The following ADCY10 variants were observed in gnomAD, a reference collection of about 807,000 sequenced individuals.
ADCY10 encodes the protein adenylate cyclase type 10.
A neutral mutation model predicts 183.3 loss-of-function variants in ADCY10; 156 were observed. That is an observed-to-expected ratio of 0.85 (90% CI 0.75 to 0.97). The LOEUF (loss-of-function observed/expected upper bound fraction) is 0.97. Among genes scored for constraint, ADCY10 ranks in the 50% least tolerant of loss-of-function variants. The pLI is 0.00. For missense variants in ADCY10, 1,745 were observed against 1,934.3 expected (o/e 0.90, Z 1.84); for synonymous variants, 645 against 670.0 (o/e 0.96, Z 0.58).
In ADCY10 at chr1:167,875,037, A is replaced by T. The variant is rs1558218379; in HGVS notation, c.1462+94T>A. On this transcript the variant is annotated intron_variant, in intron 13 of 32. Transcript: ENST00000367851. ...GATGATTATATTTTCATTTTGTGATAATTCATTAAGCTGCACAGTTATCAT... is the reference window on the plus strand; with the variant it reads ...GATGATTATATTTTCATTTTGTGATTATTCATTAAGCTGCACAGTTATCAT... 3.9e-6 allele frequency: 4 copies of T among 1,030,210 alleles called. No individual in the cohort carries two copies. In the Admixed American group the frequency reaches 7.0e-5, roughly 18 times the overall value. 63.8% of individuals were successfully genotyped at this position (1,030,210 alleles called of 1,614,324 possible). A position where few individuals can be genotyped will look rare whatever the true frequency, so the allele number is the denominator to read the frequency against.
At chr1:167,876,291 T>C (rs1667467862) in intron 12 of ADCY10, among the ~76,000 whole-genome samples, 1 of 151,694 alleles carries the variant, frequency 6.6e-6, no homozygotes, top group Non-Finnish European at 1.5e-5. Flanking sequence ...ACTCTTATGT[T>C]CATTTTGCCA....
In ADCY10 at chr1:167,887,391, T is replaced by C. The variant is rs184294499; in HGVS notation, c.829-3763A>G. 2.0e-3 allele frequency among the ~76,000 whole-genome samples: 300 copies of C among 152,316 alleles called. 1 individual carries two copies. The highest frequency in any genetic ancestry group is 3.4e-3 in the Non-Finnish European group (232 of 68,040). ...ATAAAAAGGATGAGTTCACGTCCTT[T>C]GTAGGGACATGGATGAAGTTGGAAA... On this transcript the variant is annotated intron_variant, in intron 8 of 32. Coordinates refer to ENST00000367851, the MANE Select transcript of ADCY10 (RefSeq NM_018417.6).
intron 13 of ADCY10, among the ~76,000 whole-genome samples, chr1:167,872,286 C>T (rs1443088637): frequency 6.6e-6 from 1 of 151,540 alleles, no homozygotes; most frequent in African/African-American, 2.4e-5. Context: ...TACAGTAAGC[C>T]GAGATGGCGC....
chr1:167,868,270 C>T (rs1010842695), intron 14 of ADCY10, among the ~76,000 whole-genome samples: 8 of 152,112 alleles, frequency 5.3e-5, no homozygotes, highest in African/African-American at 1.4e-4. Context: ...ATAAGAAGCC[C>T]GAGAATTAGT....
chr1:167,854,785 C>G (rs1665764552), intron 17 of ADCY10, among the ~76,000 whole-genome samples: 1 of 152,000 alleles, frequency 6.6e-6, no homozygotes, highest in Non-Finnish European at 1.5e-5. Context: ...AAGGATGTAC[C>G]TTTTTGGCTT....
intron 8 of ADCY10, among the ~76,000 whole-genome samples, chr1:167,884,634 C>T (rs1277492077): frequency 1.3e-5 from 2 of 151,992 alleles, no homozygotes; most frequent in African/African-American, 4.8e-5. Flanking sequence ...CCCCCACTAC[C>T]CTTCCCAGCC....
chr1:167,892,595 C>A (rs415174), intron 8 of ADCY10, among the ~76,000 whole-genome samples: 10 of 151,816 alleles, frequency 6.6e-5, no homozygotes, highest in Non-Finnish European at 1.3e-4. Flanking sequence ...AGAATGGCTG[C>A]GGGAGAATGG....
intron 9 of ADCY10, among the ~76,000 whole-genome samples, chr1:167,881,661 C>T (rs1203410534): frequency 6.6e-6 from 1 of 152,230 alleles, no homozygotes; most frequent in Non-Finnish European, 1.5e-5. Context: ...CCAAGTGCCT[C>T]ACACATATTA....
At chr1:167,911,704 T>A (rs1416162923) in intron 1 of ADCY10, among the ~76,000 whole-genome samples, 4 of 152,226 alleles carry the variant, frequency 2.6e-5, no homozygotes, top group African/African-American at 9.6e-5. Context: ...CTGCAGGAAG[T>A]AAAAATGCCC....
At chr1:167,832,901 A>G (rs557869663) in intron 25 of ADCY10, 86 bp downstream of exon 25, 2 of 1,449,954 alleles carry the variant, frequency 1.4e-6, no homozygotes, top group African/African-American at 2.8e-5. Context: ...CCTGGAGGCC[A>G]GGCTTTGGGG....
intron 31 of ADCY10, among the ~76,000 whole-genome samples, chr1:167,815,460 A>G (rs113470451): frequency 0.012 from 1,784 of 152,282 alleles, 31 homozygotes; most frequent in African/African-American, 0.034. Context: ...CACCTAAGGA[A>G]GAGGGGACTG....
chr1:167,841,557 G>C lies in ADCY10; in HGVS notation c.3007+4006C>G, dbSNP rs149465313. Among the ~76,000 whole-genome samples, 105 of 132,696 alleles carry C rather than the reference G, an allele frequency of 7.9e-4. No individual in the cohort carries two copies. The East Asian group carries it at 0.02, about 25-fold the overall frequency. 87.1% of individuals were successfully genotyped at this position (132,696 alleles called of 152,430 possible). On this transcript the variant is annotated intron_variant, in intron 21 of 32. Coordinates refer to ENST00000367851, the MANE Select transcript of ADCY10 (RefSeq NM_018417.6). ...GGGTCTTGCTTTGTCACCCAGGCTG[G>C]AGTATAGTAGGGTGAACATGGCTTA...
At chr1:167,857,274 C>T (rs2102029099) in intron 16 of ADCY10, among the ~76,000 whole-genome samples, 1 of 152,324 alleles carries the variant, frequency 6.6e-6, no homozygotes, top group East Asian at 1.9e-4. Flanking sequence ...CCCATTCTTT[C>T]TCTTTGTGCT....
intron 28 of ADCY10, 35 bp downstream of exon 28, chr1:167,824,441 C>T: frequency 1.3e-6 from 2 of 1,568,600 alleles, no homozygotes. Flanking sequence ...ACGGCCTCCT[C>T]CCCCTAATTT....
chr1:167,897,905 G>A (rs1794781), intron 6 of ADCY10, among the ~76,000 whole-genome samples: 3,246 of 3,246 alleles, frequency 1, 1,623 homozygotes, highest in Non-Finnish European at 1. Flanking sequence ...CTGAGGCAGG[G>A]GAATGGCGTA....
At chr1:167,856,994 T>C (rs1279295581) in intron 16 of ADCY10, among the ~76,000 whole-genome samples, 2 of 152,246 alleles carry the variant, frequency 1.3e-5, no homozygotes, top group Non-Finnish European at 2.9e-5. Flanking sequence ...TTTTCTCATA[T>C]AGACTACCCT....
At chr1:167,847,403 C>T (rs73022103) in intron 19 of ADCY10, among the ~76,000 whole-genome samples, 12,128 of 134,026 alleles carry the variant, frequency 0.09, 639 homozygotes, top group African/African-American at 0.16. Flanking sequence ...AATAATAATA[C>T]ATCTTTCTTT....
chr1:167,878,560 G>T lies in ADCY10; in HGVS notation c.1292C>A (p.Thr431Asn), dbSNP rs781310152. The T allele has an allele frequency of 1.9e-6, 3 of 1,614,052 alleles. No homozygotes were observed. The South Asian group carries it at 3.3e-5, about 18-fold the overall frequency. The change falls in exon 12 of 33, where the codon ACC becomes AAC. Residue 431 changes from threonine (T) to asparagine (N), a missense_variant. Coordinates refer to ENST00000367851, the MANE Select transcript of ADCY10 (RefSeq NM_018417.6). ...YPGIVTCDSV[T>N]YNGSNLPAYF... ...CGCTGGTAGGTTGCTCCCATTGTAG[G>T]TGACAGAGTCGCAGGTCACAATTCC...
intron 12 of ADCY10, among the ~76,000 whole-genome samples, chr1:167,878,098 G>A (rs1667604762): frequency 6.6e-6 from 1 of 152,172 alleles, no homozygotes; most frequent in South Asian, 2.1e-4. Context: ...CAATGCCTCG[G>A]CATACAGTTG....
Sources: gnomAD v4.1 joint callset for allele counts (sites outside exome capture counted in the v4.1 genomes callset) on GRCh38, gnomAD v4.1.1 for gene constraint, MANE v1.5 for transcripts, NCBI Gene and HGNC (gene_info 2026-07-23, HGNC 2026-07-21) for gene names.